The following STRIP1 variants were observed in gnomAD, a reference collection of about 807,000 sequenced individuals.
STRIP1 encodes the protein striatin-interacting protein 1.
In STRIP1, 63 loss-of-function variants were observed where a neutral mutation model predicts 106.2. That is an observed-to-expected ratio of 0.59 (90% CI 0.48 to 0.73). STRIP1 has a LOEUF of 0.73. Ranked by LOEUF, STRIP1 falls within the 30% of genes least tolerant of loss-of-function variation. The probability of loss-of-function intolerance (pLI) is 0.00; values close to 1 mark genes in which losing one functional copy is unlikely to be tolerated. For synonymous variants in STRIP1, 390 were observed against 413.0 expected (o/e 0.94, Z 0.67); for missense variants, 857 against 1,074.8 (o/e 0.80, Z 2.83).
chr1:110,051,093 ACTTGGAG>A (rs1317501931), intron 19 of STRIP1, 33 bp downstream of exon 19: 3 of 1,415,266 alleles, frequency 2.1e-6, no homozygotes, highest in Non-Finnish European at 3.0e-6. Flanking sequence ...CAGGCTTGGA[ACTTGGAG>A]CTCAAAGAAG....
intron 1 of STRIP1, 128 bp downstream of exon 1, chr1:110,034,945 C>T (rs1475118771): frequency 1.1e-6 from 1 of 927,676 alleles, no homozygotes. Context: ...AGAACTGTCA[C>T]TATACAGCGA....
At chr1:110,050,191 G>C (rs1381243967) in intron 17 of STRIP1, 152 bp from the exon 18 acceptor site, 14 of 664,528 alleles carry the variant, frequency 2.1e-5, no homozygotes, top group Admixed American at 1.1e-4. Context: ...CATCTTATAG[G>C]TGGGGAAACT....
At chr1:110,036,872 G>A (rs1180278594) in intron 1 of STRIP1, among the ~76,000 whole-genome samples, 1 of 152,144 alleles carries the variant, frequency 6.6e-6, no homozygotes, top group South Asian at 2.1e-4. Context: ...CTCCCAAGCT[G>A]GAGTGTAGTG....
At chr1:110,051,552 C>G in intron 19 of STRIP1, 131 bp from the exon 20 acceptor site, 1 of 886,226 alleles carries the variant, frequency 1.1e-6, no homozygotes, top group South Asian at 1.7e-5. Flanking sequence ...GGAAACTCTT[C>G]AGTCCAAGGG....
intron 8 of STRIP1, 109 bp from the exon 9 acceptor site, chr1:110,042,979 A>AT: frequency 8.8e-7 from 1 of 1,131,570 alleles, no homozygotes; most frequent in African/African-American, 1.6e-5. Context: ...CTGGGTCTCT[A>AT]TAAAGACATG....
Position 110,046,036 on chromosome 1 carries a change from A to G in STRIP1, c.1417-644A>G, listed in dbSNP as rs1375863689. ...TTTGAAATATATTTTTGGAATTTGT[A>G]GTACTAAGTGGTCTCTCTGCAGCTA... On this transcript the variant is annotated intron_variant, in intron 12 of 20. Coordinates refer to ENST00000369795, the MANE Select transcript of STRIP1 (RefSeq NM_033088.4). 2.6e-5 allele frequency among the ~76,000 whole-genome samples: 4 copies of G among 152,340 alleles called. No homozygotes were observed. The East Asian group carries it at 7.7e-4, about 29-fold the overall frequency.
At chr1:110,037,406 A>G (rs576746919) in intron 1 of STRIP1, among the ~76,000 whole-genome samples, 4 of 152,332 alleles carry the variant, frequency 2.6e-5, no homozygotes, top group African/African-American at 9.6e-5. Flanking sequence ...GGGAAAGCTG[A>G]GGGTTTCAAT....
At chr1:110,044,196 A>T (rs1652910376) in intron 10 of STRIP1, among the ~76,000 whole-genome samples, 1 of 152,268 alleles carries the variant, frequency 6.6e-6, no homozygotes, top group South Asian at 2.1e-4. Context: ...TATGGTTTTT[A>T]ACAAAAATGA....
At chr1:110,047,403 G>A (rs1570925183) in intron 13 of STRIP1, 139 bp from the exon 14 acceptor site, 2 of 664,512 alleles carry the variant, frequency 3.0e-6, no homozygotes, top group Non-Finnish European at 5.5e-6. Flanking sequence ...CATTGTTTGT[G>A]TTCAGGGTTT....
chr1:110,049,008 A>C, intron 15 of STRIP1, 104 bp from the exon 16 acceptor site: 5 of 1,349,588 alleles, frequency 3.7e-6, no homozygotes, highest in Non-Finnish European at 5.2e-6. Context: ...GTGGGGAGGT[A>C]GGAGTCTTTG....
intron 15 of STRIP1, 98 bp downstream of exon 15, chr1:110,047,967 C>A: frequency 2.0e-6 from 2 of 1,018,764 alleles, no homozygotes; most frequent in Non-Finnish European, 3.0e-6. Flanking sequence ...TGGCCCAGCT[C>A]TACAGGTTAA....
At chr1:110,051,940 C>T (rs1653322308) in intron 20 of STRIP1, 53 bp downstream of exon 20, 1 of 1,572,514 alleles carries the variant, frequency 6.4e-7, no homozygotes. Context: ...GGAAAAGTGA[C>T]ATCTTTCACT....
Position 110,044,846 on chromosome 1 carries a change from A to G in STRIP1, c.1293A>G (p.Lys431=), listed in dbSNP as rs777281989. Residue 431 remains lysine (K), a synonymous_variant, in exon 11 of 21, where the codon AAA becomes AAG. Transcript: ENST00000369795. ...TTTTTTGGTGATGTGGCAGAGAGAAAGACATTGAGATGTTCCTTGAGTCCA... is the reference window on the plus strand; with the variant it reads ...TTTTTTGGTGATGTGGCAGAGAGAAGGACATTGAGATGTTCCTTGAGTCCA... ...GLPWAPKVRE[K]DIEMFLESSR... is the part of the protein sequence containing the mutation. 6 of 1,614,156 alleles carry G rather than the reference A, an allele frequency of 3.7e-6. No individual in the cohort carries two copies. The highest frequency in any genetic ancestry group is 1.3e-5 in the African/African-American group (1 of 75,042).
chr1:110,039,886 T>A (rs7521022), intron 5 of STRIP1: 1 of 1,295,108 alleles, frequency 7.7e-7, no homozygotes, highest in African/African-American at 1.5e-5. Flanking sequence ...GACTGACATA[T>A]GGGCTCAACC....
At chr1:110,035,377 C>T (rs1419864683) in intron 1 of STRIP1, among the ~76,000 whole-genome samples, 2 of 152,200 alleles carry the variant, frequency 1.3e-5, no homozygotes, top group African/African-American at 4.8e-5. Context: ...TTCTTCTGAC[C>T]TGAGCCAGAT....
chr1:110,052,824 C>G (rs908298998), intron 20 of STRIP1, among the ~76,000 whole-genome samples: 6 of 152,124 alleles, frequency 3.9e-5, no homozygotes, highest in Admixed American at 2.6e-4. Context: ...CCTCGGCCTC[C>G]CAGAGTGTTG....
Position 110,043,787 on chromosome 1 carries a change from C to T in STRIP1, c.1217C>T (p.Pro406Leu). 3 of 1,614,156 alleles carry T rather than the reference C, an allele frequency of 1.9e-6. No individual in the cohort carries two copies. In the South Asian group the frequency reaches 3.3e-5, roughly 18 times the overall value. The change falls in exon 10 of 21, where the codon CCC becomes CTC. Residue 406 changes from proline to leucine, a missense_variant. By Grantham distance (98) the Pro-to-Leu change is moderately conservative (BLOSUM62 -3). This residue lies in a region of STRIP1 where 750 missense variants were observed against 989.8 expected (regional missense o/e 0.76). Transcript: ENST00000369795. ...FPLERDEVMPPPLQHPQTDRL... is the reference protein window; with the variant it reads ...FPLERDEVMPLPLQHPQTDRL... ...CTGGAACGGGATGAAGTGATGCCTC[C>T]CCCGCTACAGCACCCACAGACTGAC...
intron 3 of STRIP1, 99 bp from the exon 4 acceptor site, chr1:110,039,073 C>T: frequency 7.2e-7 from 1 of 1,381,634 alleles, no homozygotes; most frequent in Non-Finnish European, 1.0e-6. Context: ...ACTTATCTTT[C>T]TGGTCCTATG....
intron 5 of STRIP1, among the ~76,000 whole-genome samples, chr1:110,040,339 A>G (rs1039070688): frequency 1.3e-5 from 2 of 151,988 alleles, no homozygotes; most frequent in Non-Finnish European, 2.9e-5. Flanking sequence ...CTGCCACCAC[A>G]CCCAGCTAAT....
Sources: gnomAD v4.1 joint callset for allele counts (sites outside exome capture counted in the v4.1 genomes callset) on GRCh38, gnomAD v4.1.1 for gene constraint, gnomAD v4.1.1 regional missense constraint, MANE v1.5 for transcripts, NCBI Gene and HGNC (gene_info 2026-07-23, HGNC 2026-07-21) for gene names.